Variants in LRMDA observed in about 807,000 individuals in gnomAD.
LRMDA encodes leucine rich melanocyte differentiation associated, also known as leucine-rich melanocyte differentiation-associated protein.
A neutral mutation model predicts 29.8 loss-of-function variants in LRMDA; 18 were observed. That is an observed-to-expected ratio of 0.60 (90% CI 0.42 to 0.90). The LOEUF (loss-of-function observed/expected upper bound fraction) is 0.90, where lower values mean the gene tolerates loss of function less well. Ranked by LOEUF, LRMDA falls within the 40% of genes least tolerant of loss-of-function variation. The pLI is 0.00. For missense variants in LRMDA, 273 were observed against 273.9 expected (o/e 1.00, Z 0.02); for synonymous variants, 125 against 109.4 (o/e 1.14, Z -0.89).
intron 2 of LRMDA, among the ~76,000 whole-genome samples, chr10:75,987,244 A>T (rs1039141087): frequency 4.4e-4 from 67 of 152,230 alleles, no homozygotes; most frequent in Admixed American, 4.4e-3. Context: ...TGATAGTTGT[A>T]TAAAATTCCC....
At chr10:76,396,512 G>C (rs1479007365) in intron 6 of LRMDA, 1 of 152,218 alleles carries the variant, frequency 6.6e-6, no homozygotes, top group Non-Finnish European at 1.5e-5. Flanking sequence ...GAACCTGCAG[G>C]AATGTCAGCT....
chr10:75,466,679 C>T (rs1357384578), intron 2 of LRMDA, among the ~76,000 whole-genome samples: 4 of 152,106 alleles, frequency 2.6e-5, no homozygotes, highest in Non-Finnish European at 5.9e-5. Context: ...CTGTGCCCTG[C>T]CCCCTCCTCA....
intron 2 of LRMDA, among the ~76,000 whole-genome samples, chr10:76,031,095 T>A (rs1589295495): frequency 6.6e-6 from 1 of 152,144 alleles, no homozygotes; most frequent in Non-Finnish European, 1.5e-5. Flanking sequence ...CCAATTAGAA[T>A]TGATGCTGGC....
chr10:76,460,365 G>A (rs1842499821), intron 6 of LRMDA, among the ~76,000 whole-genome samples: 1 of 152,370 alleles, frequency 6.6e-6, no homozygotes, highest in South Asian at 2.1e-4. Flanking sequence ...ATTTCTAGAA[G>A]TTATTGCTAA....
chr10:76,431,993 A>G (rs1487241468), intron 6 of LRMDA, among the ~76,000 whole-genome samples: 1 of 152,138 alleles, frequency 6.6e-6, no homozygotes, highest in East Asian at 1.9e-4. Flanking sequence ...AAGTCCAATA[A>G]ACCTCTTTAT....
intron 2 of LRMDA, among the ~76,000 whole-genome samples, chr10:75,937,508 A>G (rs938673831): frequency 1.3e-5 from 2 of 152,230 alleles, no homozygotes; most frequent in African/African-American, 4.8e-5. Flanking sequence ...TTCAAAGTAA[A>G]GCAGGTGCTG....
chr10:75,552,749 C>CT (rs200747797), intron 2 of LRMDA, among the ~76,000 whole-genome samples: 100 of 148,196 alleles, frequency 6.7e-4, no homozygotes, highest in African/African-American at 1.7e-3. Context: ...CTCTCATATG[C>CT]TTTTTTTTTT....
At chr10:76,235,273 A>G (rs980418729) in intron 5 of LRMDA, among the ~76,000 whole-genome samples, 1 of 152,184 alleles carries the variant, frequency 6.6e-6, no homozygotes, top group Non-Finnish European at 1.5e-5. Flanking sequence ...TATGAGCATG[A>G]TTCATGGTAC....
intron 2 of LRMDA, among the ~76,000 whole-genome samples, chr10:75,635,791 T>A (rs936809063): frequency 6.6e-6 from 1 of 151,664 alleles, no homozygotes; most frequent in African/African-American, 2.4e-5. Flanking sequence ...TTTTCCTTGC[T>A]ATTTTTTTTT....
intron 3 of LRMDA, among the ~76,000 whole-genome samples, chr10:76,043,784 A>G (rs1045271927): frequency 2.6e-5 from 4 of 152,226 alleles, no homozygotes; most frequent in African/African-American, 2.4e-5. Flanking sequence ...TGGCATTTCA[A>G]TCCAACTCAG....
chr10:76,187,665 T>G (rs1430609244), intron 5 of LRMDA, among the ~76,000 whole-genome samples: 1 of 152,164 alleles, frequency 6.6e-6, no homozygotes, highest in Non-Finnish European at 1.5e-5. Flanking sequence ...TATTTCAATC[T>G]GGTTGCTGGT....
intron 2 of LRMDA, among the ~76,000 whole-genome samples, chr10:75,951,311 T>C (rs1846570030): frequency 6.6e-6 from 1 of 152,160 alleles, no homozygotes; most frequent in East Asian, 1.9e-4. Flanking sequence ...CAGGCAGTAA[T>C]AATCTGGGGA....
At chr10:75,462,876 C>T (rs1476113321) in intron 2 of LRMDA, among the ~76,000 whole-genome samples, 2 of 152,128 alleles carry the variant, frequency 1.3e-5, no homozygotes, top group African/African-American at 4.8e-5. Context: ...TTGTTCCACT[C>T]CAATTTCTTT....
intron 2 of LRMDA, among the ~76,000 whole-genome samples, chr10:75,626,141 T>C (rs1841246576): frequency 6.6e-6 from 1 of 151,966 alleles, no homozygotes; most frequent in Admixed American, 6.6e-5. Flanking sequence ...GGATTACAGG[T>C]GTGAGCCACC....
chr10:75,671,999 G>C (rs938727028), intron 2 of LRMDA, among the ~76,000 whole-genome samples: 1 of 152,164 alleles, frequency 6.6e-6, no homozygotes, highest in African/African-American at 2.4e-5. Context: ...TTTTTAATGA[G>C]AAAGACCTTT....
chr10:75,809,177 G>C (rs981872691), intron 2 of LRMDA, among the ~76,000 whole-genome samples: 19 of 152,344 alleles, frequency 1.2e-4, no homozygotes, highest in African/African-American at 4.6e-4. Context: ...AGCACTCGGG[G>C]AGGATCAGCC....
intron 2 of LRMDA, among the ~76,000 whole-genome samples, chr10:75,748,097 C>A (rs753712617): frequency 6.6e-6 from 1 of 151,306 alleles, no homozygotes; most frequent in Non-Finnish European, 1.5e-5. Context: ...TGTTGTTTAG[C>A]TATTTTTTTT....
At chr10:76,344,221 G>C (rs1477385673) in intron 6 of LRMDA, among the ~76,000 whole-genome samples, 1 of 152,036 alleles carries the variant, frequency 6.6e-6, no homozygotes, top group Non-Finnish European at 1.5e-5. Flanking sequence ...AAAATCTTTA[G>C]ACTTTTTATA....
At chr10:76,042,243 G>T (rs747042821) in intron 3 of LRMDA, among the ~76,000 whole-genome samples, 2 of 151,978 alleles carry the variant, frequency 1.3e-5, no homozygotes, top group African/African-American at 2.4e-5. Context: ...TGGATTTGGG[G>T]GAGACCACCT....
Sources: allele counts gnomAD v4.1 joint callset (sites outside exome capture counted in the v4.1 genomes callset), GRCh38; gene constraint gnomAD v4.1.1; transcripts MANE v1.5; gene names NCBI Gene and HGNC (gene_info 2026-07-23, HGNC 2026-07-21).